Variants in CDKL5 observed in about 807,000 individuals in gnomAD.
The protein encoded by CDKL5 is cyclin dependent kinase like 5.
Under a neutral mutation model 61.7 loss-of-function variants are expected in CDKL5, and 8 were observed. The ratio of observed to expected loss-of-function variants is 0.13; its 90% CI spans 0.08 to 0.23. CDKL5 has a LOEUF of 0.23. Among genes scored for constraint, CDKL5 ranks in the 10% least tolerant of loss-of-function variants. The pLI is 1.00. For missense variants in CDKL5, 440 were observed against 734.5 expected (o/e 0.60, Z 4.63); for synonymous variants, 275 against 272.3 (o/e 1.01, Z -0.10).
chrX:18,528,237 A>ATTT (rs749197887), intron 3 of CDKL5, among the ~76,000 whole-genome samples: 23 of 68,423 alleles, frequency 3.4e-4, no homozygotes, highest in South Asian at 6.6e-4. Flanking sequence ...ACCCATACTC[A>ATTT]TTTTTTTTTT....
chrX:18,625,299 C>T, intron 17 of CDKL5, 52 bp downstream of exon 17: 1 of 1,184,895 alleles, frequency 8.4e-7, no homozygotes, highest in Non-Finnish European at 1.1e-6. Context: ...AGTAACTGTC[C>T]TGAGGAGCGG....
At position 18,572,175 on chromosome X, in the gene CDKL5, A is replaced by G. The variant is rs992805016; in HGVS notation, c.146-3179A>G. Among the ~76,000 whole-genome samples the G allele has an allele frequency of 5.4e-5, 6 of 111,648 alleles. No homozygotes were observed. The Admixed American group carries it at 5.7e-4, about 11-fold the overall frequency. On this transcript the variant is annotated intron_variant, in intron 4 of 17. Transcript: ENST00000623535. ...ATTTATTTGTTTCTTTTACTGATGA[A>G]AAGTTAAGTGGCTTGCCTAAAGTTG...
rs150314593 is a variant in CDKL5 at position 18,601,317 on chromosome X, A to C, written c.978-2585A>C. Among the ~76,000 whole-genome samples, 516 of 112,214 alleles carry C rather than the reference A, an allele frequency of 4.6e-3. 4 individuals are homozygous for C. Among genetic ancestry groups the C allele is most frequent in the African/African-American group, 0.015 (470 of 30,860 alleles). Reference sequence around the variant, plus strand: ...TCCTGGTCCTTCACCAGCCTTCTCCATCAAAGTGTAGCTTTGCACCTTCGA... The same window carrying C: ...TCCTGGTCCTTCACCAGCCTTCTCCCTCAAAGTGTAGCTTTGCACCTTCGA... On this transcript the variant is annotated intron_variant, in intron 11 of 17. Transcript: ENST00000623535.
chrX:18,553,209 G>C (rs1247410687), intron 3 of CDKL5, among the ~76,000 whole-genome samples: 1 of 111,231 alleles, frequency 9.0e-6, no homozygotes, highest in Non-Finnish European at 1.9e-5. Context: ...TTTCTGGCTA[G>C]TGTTTACTGA....
At chrX:18,463,692 G>A (rs1932340253) in intron 1 of CDKL5, among the ~76,000 whole-genome samples, 2 of 112,268 alleles carry the variant, frequency 1.8e-5, no homozygotes, top group Admixed American at 1.9e-4. Flanking sequence ...GAAATCTGGG[G>A]CAAAACAGTT....
chrX:18,611,981 C>G (rs1926567159), intron 14 of CDKL5, among the ~76,000 whole-genome samples: 1 of 111,625 alleles, frequency 9.0e-6, no homozygotes, highest in Admixed American at 9.5e-5. Flanking sequence ...TATATACAGT[C>G]TGTATATTCC....
chrX:18,627,210 A>G (rs1389781725), intron 17 of CDKL5: 1 of 111,895 alleles, frequency 8.9e-6, no homozygotes, highest in Non-Finnish European at 1.9e-5. Flanking sequence ...TTCCCCTGAA[A>G]CAATATCTAC....
chrX:18,538,438 G>GTCAT (rs1244824415), intron 3 of CDKL5, among the ~76,000 whole-genome samples: 1 of 110,768 alleles, frequency 9.0e-6, no homozygotes, highest in Non-Finnish European at 1.9e-5. Context: ...TTTTGTTAAG[G>GTCAT]TCATTTATCA....
downstream of CDKL5, chrX:18,641,446 G>A (rs1241328720): frequency 8.5e-6 from 1 of 118,281 alleles, no homozygotes; most frequent in Non-Finnish European, 1.7e-5. Flanking sequence ...TAGCCTCTCA[G>A]GGCACCGGGA....
chrX:18,624,320 A>C (rs939171950), intron 16 of CDKL5, among the ~76,000 whole-genome samples: 7 of 112,728 alleles, frequency 6.2e-5, no homozygotes, highest in Non-Finnish European at 3.7e-5. Context: ...TACAGTTAAC[A>C]AATATCTTTG....
At chrX:18,561,257 C>T (rs1275951573) in intron 3 of CDKL5, among the ~76,000 whole-genome samples, 1 of 110,797 alleles carries the variant, frequency 9.0e-6, no homozygotes, top group African/African-American at 3.3e-5. Context: ...TATCAAGTTG[C>T]CATGTATACG....
intron 3 of CDKL5, among the ~76,000 whole-genome samples, chrX:18,533,920 A>G (rs1023840463): frequency 9.1e-6 from 1 of 110,268 alleles, no homozygotes; most frequent in Non-Finnish European, 1.9e-5. Flanking sequence ...GTTTCCTCCA[A>G]CCCTCCCACT....
intron 4 of CDKL5, among the ~76,000 whole-genome samples, chrX:18,565,605 C>G (rs1197833186): frequency 1.8e-5 from 2 of 112,025 alleles, no homozygotes; most frequent in Admixed American, 1.9e-4. Context: ...ACACCAGCCT[C>G]TATATTTATG....
intron 10 of CDKL5, 54 bp downstream of exon 10, chrX:18,595,482 T>C: frequency 1.2e-6 from 1 of 812,918 alleles, no homozygotes; most frequent in Non-Finnish European, 1.9e-6. Flanking sequence ...GTGGATTCTT[T>C]TGTGTCTACA....
Position 18,631,451 on chromosome X carries a change from C to T in CDKL5, c.*2694C>T. 1 of 753,468 alleles carries T rather than the reference C, an allele frequency of 1.3e-6. No homozygotes were observed. Among genetic ancestry groups the T allele is most frequent in the Non-Finnish European group, 1.6e-6 (1 of 638,647 alleles). The allele number at this position is 753,468 out of a possible 1,213,427, so 62.1% of individuals were successfully genotyped here. A position where few individuals can be genotyped will look rare whatever the true frequency, so the allele number is the denominator to read the frequency against. On this transcript the variant is annotated 3_prime_UTR_variant, in exon 18 of 18. Coordinates refer to ENST00000623535, the MANE Select transcript of CDKL5 (RefSeq NM_001323289.2). ...GGGGATGCAAAAGTTTTCTCTCACA[C>T]CTAATGGGCCCTCTCTTAGCTTTTA... is the stretch of plus-strand genomic sequence containing the variant.
chrX:18,651,602 C>A (rs1928052516), intron 21 of CDKL5, among the ~76,000 whole-genome samples: 1 of 111,185 alleles, frequency 9.0e-6, no homozygotes, highest in Admixed American at 9.5e-5. Context: ...CATGAGACGT[C>A]TGCCTTCCAA....
intron 1 of CDKL5, among the ~76,000 whole-genome samples, chrX:18,435,925 T>C (rs1230218055): frequency 1.8e-5 from 2 of 110,986 alleles, no homozygotes; most frequent in East Asian, 5.7e-4. Context: ...ACTTGACCCT[T>C]GAACAAGGTA....
chrX:18,529,005 A>G (rs1923547736), intron 3 of CDKL5, among the ~76,000 whole-genome samples: 1 of 110,465 alleles, frequency 9.1e-6, no homozygotes, highest in African/African-American at 3.3e-5. Context: ...GAGGCCATTC[A>G]CAGTTAAAAT....
intron 1 of CDKL5, among the ~76,000 whole-genome samples, chrX:18,473,844 G>A (rs1921200392): frequency 1.8e-5 from 2 of 108,556 alleles, no homozygotes; most frequent in Non-Finnish European, 3.8e-5. Context: ...TAAAGACCTG[G>A]GGGTGGGGAG....
Sources: gnomAD v4.1 joint callset for allele counts (sites outside exome capture counted in the v4.1 genomes callset) on GRCh38, gnomAD v4.1.1 for gene constraint, MANE v1.5 for transcripts, NCBI Gene and HGNC (gene_info 2026-07-23, HGNC 2026-07-21) for gene names.